HMCN1: variants seen among roughly 807,000 people sequenced by gnomAD.
HMCN1 encodes the protein hemicentin-1.
Under a neutral mutation model 625.9 loss-of-function variants are expected in HMCN1, and 321 were observed. The observed-to-expected ratio is 0.51, with a 90% CI of 0.47 to 0.56. The LOEUF (loss-of-function observed/expected upper bound fraction) is 0.56. Among genes scored for constraint, HMCN1 ranks in the 20% least tolerant of loss-of-function variants. The pLI, the probability that HMCN1 is intolerant of heterozygous loss-of-function variation, is 0.00. For synonymous variants in HMCN1, 2,425 were observed against 2,417.6 expected (o/e 1.00, Z -0.09); for missense variants, 6,588 against 6,887.3 (o/e 0.96, Z 1.54).
chr1:186,072,892 A>G (rs987469751), intron 52 of HMCN1, among the ~76,000 whole-genome samples: 1 of 152,204 alleles, frequency 6.6e-6, no homozygotes. Context: ...CAAGAATGAC[A>G]TGACACAATC....
intron 93 of HMCN1, among the ~76,000 whole-genome samples, chr1:186,149,667 A>G (rs942612299): frequency 6.6e-6 from 1 of 152,220 alleles, no homozygotes; most frequent in Non-Finnish European, 1.5e-5. Context: ...CTTTTGGCCT[A>G]CATCAATTTT....
intron 1 of HMCN1, among the ~76,000 whole-genome samples, chr1:185,781,814 T>C (rs1043403869): frequency 1.3e-4 from 20 of 152,202 alleles, no homozygotes; most frequent in Admixed American, 4.6e-4. Flanking sequence ...CTGAGAAGCA[T>C]GTATGTTCTG....
At chr1:186,145,321 A>T (rs1310405877) in intron 91 of HMCN1, 82 bp from the exon 92 acceptor site, 5 of 1,375,686 alleles carry the variant, frequency 3.6e-6, no homozygotes, top group Non-Finnish European at 3.0e-6. Flanking sequence ...CTTTTTTTTT[A>T]ATACTTTTTG....
intron 104 of HMCN1, among the ~76,000 whole-genome samples, chr1:186,180,363 C>T (rs1464539621): frequency 6.6e-6 from 1 of 152,116 alleles, no homozygotes; most frequent in Non-Finnish European, 1.5e-5. Flanking sequence ...GGTTACCATC[C>T]CATTCTCAAC....
At chr1:186,062,700 C>T (rs528208185) in intron 48 of HMCN1, 100 bp downstream of exon 48, 2 of 770,798 alleles carry the variant, frequency 2.6e-6, no homozygotes, top group South Asian at 2.9e-5. Flanking sequence ...TTAGGGGGTA[C>T]AAGTGCGGTT....
Position 186,120,105 on chromosome 1 carries a change from G to A in HMCN1, c.12189G>A (p.Pro4063=), listed in dbSNP as rs886045682. The A allele has an allele frequency of 6.8e-6, 11 of 1,613,904 alleles. No homozygotes were observed. Among genetic ancestry groups the A allele is most frequent in the East Asian group, 6.7e-5 (3 of 44,870 alleles). ...CTTACATGTGTGTGGCCCAGAACCC[G>A]GCTGGTACAGCCTTGGGCAAAATCA... The part of the protein sequence containing the change: ...AGTYMCVAQN[P]AGTALGKIKL... Residue 4063 remains proline, a synonymous_variant, in exon 80 of 107, where the codon CCG becomes CCA. Coordinates refer to ENST00000271588, the MANE Select transcript of HMCN1 (RefSeq NM_031935.3).
At chr1:186,128,546 C>T (rs932466483) in intron 83 of HMCN1, among the ~76,000 whole-genome samples, 1 of 151,932 alleles carries the variant, frequency 6.6e-6, no homozygotes, top group Non-Finnish European at 1.5e-5. Flanking sequence ...ATATAATTCC[C>T]CTTACCCCAT....
At chr1:185,984,372 A>G in intron 19 of HMCN1, 59 bp downstream of exon 19, 6 of 1,498,956 alleles carry the variant, frequency 4.0e-6, no homozygotes, top group Non-Finnish European at 5.6e-6. Context: ...TTGTTCTTAT[A>G]TTTTAATCAA....
intron 19 of HMCN1, among the ~76,000 whole-genome samples, 168 bp downstream of exon 19, chr1:185,984,481 C>G (rs763504483): frequency 6.6e-6 from 1 of 152,112 alleles, no homozygotes; most frequent in East Asian, 1.9e-4. Context: ...TCCAGATTTC[C>G]CTTTTTTATG....
chr1:186,150,046 C>T (rs549729379), intron 93 of HMCN1, among the ~76,000 whole-genome samples: 2 of 152,120 alleles, frequency 1.3e-5, no homozygotes, highest in South Asian at 4.2e-4. Flanking sequence ...CAAAATGTGA[C>T]ACAGGAACAC....
rs1663654864 is a variant in HMCN1 at position 185,872,098 on chromosome 1, A to G, written c.621+6235A>G. ...AGGAAATGTGTGAAAACAATGTGTAAATGTTTCCACTTATCCCTTCTTTGA... is the reference window on the plus strand; with the variant it reads ...AGGAAATGTGTGAAAACAATGTGTAGATGTTTCCACTTATCCCTTCTTTGA... On this transcript the variant is annotated intron_variant, in intron 4 of 106. Coordinates refer to ENST00000271588, the MANE Select transcript of HMCN1 (RefSeq NM_031935.3). 1.3e-5 allele frequency among the ~76,000 whole-genome samples: 2 copies of G among 152,238 alleles called. 1 individual carries two copies. The highest frequency in any genetic ancestry group is 4.1e-4 in the South Asian group (2 of 4,834).
intron 11 of HMCN1, among the ~76,000 whole-genome samples, chr1:185,945,954 T>G (rs1668318964): frequency 6.6e-6 from 1 of 152,168 alleles, no homozygotes; most frequent in Non-Finnish European, 1.5e-5. Flanking sequence ...AAACAGTGAT[T>G]GCAGTTATGC....
intron 28 of HMCN1, 61 bp downstream of exon 28, chr1:186,001,802 C>A: frequency 7.5e-7 from 1 of 1,330,248 alleles, no homozygotes; most frequent in Non-Finnish European, 1.1e-6. Context: ...TAAAATAGAG[C>A]TGACTATATG....
chr1:185,971,225 T>C (rs543954041), intron 15 of HMCN1, among the ~76,000 whole-genome samples: 2 of 152,328 alleles, frequency 1.3e-5, no homozygotes, highest in East Asian at 1.9e-4. Context: ...TTTGAAGATA[T>C]TGATGACAGC....
At chr1:185,864,035 G>A (rs972679576) in intron 2 of HMCN1, among the ~76,000 whole-genome samples, 3 of 152,154 alleles carry the variant, frequency 2.0e-5, no homozygotes, top group Non-Finnish European at 4.4e-5. Flanking sequence ...CACGATTAAG[G>A]CAGGCATCTG....
chr1:186,071,592 C>T (rs1009762134), intron 52 of HMCN1, among the ~76,000 whole-genome samples: 4 of 152,132 alleles, frequency 2.6e-5, no homozygotes, highest in Admixed American at 1.3e-4. Flanking sequence ...AGTCAAATTC[C>T]AGTTGTAGAA....
intron 93 of HMCN1, among the ~76,000 whole-genome samples, chr1:186,150,390 T>C (rs1295129241): frequency 6.6e-6 from 1 of 152,218 alleles, no homozygotes; most frequent in Non-Finnish European, 1.5e-5. Flanking sequence ...TGTTGAACAA[T>C]AGAAAGAAGG....
At chr1:186,175,876 CAA>C (rs758445916) in intron 103 of HMCN1, among the ~76,000 whole-genome samples, 2 of 76,172 alleles carry the variant, frequency 2.6e-5, no homozygotes, top group Non-Finnish European at 5.2e-5. Context: ...AACTATGTCT[CAA>C]AAAAAAAAAA....
At position 186,076,473 on chromosome 1, in the gene HMCN1, A is replaced by G. The variant is rs757889745; in HGVS notation, c.8336A>G (p.Asp2779Gly). ...QKLWEIGNML[D>G]TGRNGEAKDV... ...CTCTGGGAAATAGGAAACATGCTAGATACTGGCAGGAATGGTGAAGCCAAA... is the reference window on the plus strand; with the variant it reads ...CTCTGGGAAATAGGAAACATGCTAGGTACTGGCAGGAATGGTGAAGCCAAA... The change falls in exon 54 of 107, where the codon GAT becomes GGT. Residue 2779 changes from aspartate to glycine, a missense_variant. Transcript: ENST00000271588. The G allele has an allele frequency of 1.2e-6, 2 of 1,613,748 alleles. No homozygotes were observed. The highest frequency in any genetic ancestry group is 1.7e-6 in the Non-Finnish European group (2 of 1,179,800).
Sources: gnomAD v4.1 joint callset for allele counts (sites outside exome capture counted in the v4.1 genomes callset) on GRCh38, gnomAD v4.1.1 for gene constraint, MANE v1.5 for transcripts, NCBI Gene and HGNC (gene_info 2026-07-23, HGNC 2026-07-21) for gene names.